ASB5: variants seen among roughly 807,000 people sequenced by gnomAD.
ASB5 encodes ankyrin repeat and SOCS box protein 5.
Under a neutral mutation model 42.1 loss-of-function variants are expected in ASB5, and 45 were observed. The observed-to-expected ratio is 1.07, with a 90% CI of 0.84 to 1.37. ASB5 has a LOEUF of 1.37. Among genes scored for constraint, ASB5 ranks in the 40% most tolerant of loss-of-function variants. The pLI is 0.00. For missense variants in ASB5, 402 were observed against 399.8 expected (o/e 1.01, Z -0.05); for synonymous variants, 147 against 150.6 (o/e 0.98, Z 0.18).
chr4:176,217,862 C>T (rs1455737890), intron 5 of ASB5, among the ~76,000 whole-genome samples: 7 of 151,922 alleles, frequency 4.6e-5, no homozygotes, highest in East Asian at 3.9e-4. Flanking sequence ...CTCTGTTTTC[C>T]GATACTATCT....
chr4:176,268,285 A>G lies in ASB5; in HGVS notation c.196+628T>C, dbSNP rs780911878. Among the ~76,000 whole-genome samples the G allele has an allele frequency of 3.3e-5, 5 of 152,320 alleles. No individual in the cohort carries two copies. The South Asian group carries it at 1.0e-3, about 32-fold the overall frequency. ...AGAACATGGATGCACTTGGCTGCAC[A>G]CATATAAAATGTATTAATTATGTTT... On this transcript the variant is annotated intron_variant, in intron 1 of 6. Coordinates refer to ENST00000296525, the MANE Select transcript of ASB5 (RefSeq NM_080874.4).
In ASB5 at chr4:176,214,329, G is replaced by A. The variant is rs146618174; in HGVS notation, c.*1271C>T. On this transcript the variant is annotated 3_prime_UTR_variant, in exon 7 of 7. Coordinates refer to ENST00000296525, the MANE Select transcript of ASB5 (RefSeq NM_080874.4). ...AATAAATCTATAAAACTCACCCAAA[G>A]TTGCTTTTGTTTTACAAAGAGTTGT... 2.6e-5 allele frequency: 4 copies of A among 152,116 alleles called. No individual in the cohort carries two copies. The highest frequency in any genetic ancestry group is 4.1e-4 in the South Asian group (2 of 4,824). 9.4% of individuals were successfully genotyped at this position (152,116 alleles called of 1,614,324 possible).
chr4:176,238,923 C>A (rs1336279907), intron 1 of ASB5, among the ~76,000 whole-genome samples: 1 of 152,130 alleles, frequency 6.6e-6, no homozygotes, highest in East Asian at 1.9e-4. Context: ...TGACCTGGAG[C>A]GAGTAGCTTA....
chr4:176,248,139 A>C (rs1332042050), intron 1 of ASB5, among the ~76,000 whole-genome samples: 1 of 152,024 alleles, frequency 6.6e-6, no homozygotes, highest in African/African-American at 2.4e-5. Flanking sequence ...TTATCTTTTC[A>C]TTTTTTTGAG....
chr4:176,221,056 T>G lies in ASB5; in HGVS notation c.670+99A>C, dbSNP rs1228014247. On this transcript the variant is annotated intron_variant, in intron 5 of 6. Transcript: ENST00000296525. Reference sequence around the variant, plus strand: ...TGAAAATGCTTAAAATAAGAACATTTTTTAGCAATGAGATCTAATTTTTAA... The same window carrying G: ...TGAAAATGCTTAAAATAAGAACATTGTTTAGCAATGAGATCTAATTTTTAA... The G allele has an allele frequency of 2.9e-6, 4 of 1,365,146 alleles. No homozygotes were observed. In the East Asian group the frequency reaches 7.5e-5, roughly 26 times the overall value. 84.6% of individuals were successfully genotyped at this position (1,365,146 alleles called of 1,614,324 possible).
At chr4:176,219,356 TATA>T (rs1753108201) in intron 5 of ASB5, among the ~76,000 whole-genome samples, 1 of 83,930 alleles carries the variant, frequency 1.2e-5, no homozygotes, top group African/African-American at 4.3e-5. Flanking sequence ...TTGTATGATA[TATA>T]AATATATATA....
intron 1 of ASB5, among the ~76,000 whole-genome samples, chr4:176,266,592 G>C (rs6841344): frequency 1.5e-3 from 222 of 152,056 alleles, no homozygotes; most frequent in Non-Finnish European, 2.6e-3. Context: ...GTTTTATAAG[G>C]TACCTGATTT....
chr4:176,234,855 A>G (rs1753646998), intron 1 of ASB5, among the ~76,000 whole-genome samples: 1 of 152,186 alleles, frequency 6.6e-6, no homozygotes, highest in Non-Finnish European at 1.5e-5. Context: ...ATACTTACAT[A>G]TTCTAGTTGT....
rs113721275 is a variant in ASB5, at chr4:176,267,730, T to C, written c.196+1183A>G. ...TTATCTTTCCCTAAAGAGATTCTTA[T>C]GAACATTTAAATTTTCCTCATTTTG... is the stretch of plus-strand genomic sequence containing the variant. On this transcript the variant is annotated intron_variant, in intron 1 of 6. Transcript: ENST00000296525. 7.5e-4 allele frequency among the ~76,000 whole-genome samples: 114 copies of C among 152,326 alleles called. 1 individual carries two copies. Among genetic ancestry groups the C allele is most frequent in the African/African-American group, 2.5e-3 (105 of 41,580 alleles).
chr4:176,235,084 C>G (rs752791560), intron 1 of ASB5, among the ~76,000 whole-genome samples: 1 of 152,108 alleles, frequency 6.6e-6, no homozygotes, highest in African/African-American at 2.4e-5. Flanking sequence ...ACTCATAGGG[C>G]ACTTGGTGGA....
chr4:176,233,086 A>G (rs1417148097), intron 1 of ASB5, among the ~76,000 whole-genome samples: 2 of 152,222 alleles, frequency 1.3e-5, no homozygotes, highest in Non-Finnish European at 2.9e-5. Context: ...ATTGTAATGA[A>G]TGTAAAGTAC....
At chr4:176,224,951 G>T (rs572691685) in intron 2 of ASB5, among the ~76,000 whole-genome samples, 4 of 152,294 alleles carry the variant, frequency 2.6e-5, no homozygotes, top group African/African-American at 9.6e-5. Context: ...TGCACATATT[G>T]TGCAGAGTTA....
At chr4:176,261,820 C>T (rs1273794993) in intron 1 of ASB5, among the ~76,000 whole-genome samples, 1 of 152,112 alleles carries the variant, frequency 6.6e-6, no homozygotes, top group Non-Finnish European at 1.5e-5. Flanking sequence ...TGGCTCCGCT[C>T]ATCCAAGCCT....
chr4:176,265,679 C>A (rs1754343037), intron 1 of ASB5, among the ~76,000 whole-genome samples: 1 of 152,124 alleles, frequency 6.6e-6, no homozygotes, highest in South Asian at 2.1e-4. Context: ...TCTTCTAGGC[C>A]TTTGGTATGA....
chr4:176,231,948 G>T (rs569330574), intron 1 of ASB5, among the ~76,000 whole-genome samples: 1 of 152,050 alleles, frequency 6.6e-6, no homozygotes, highest in Non-Finnish European at 1.5e-5. Flanking sequence ...AGCTAGCTTA[G>T]CAATGGTGCA....
At chr4:176,236,777 G>C (rs770016262) in intron 1 of ASB5, among the ~76,000 whole-genome samples, 14 of 151,976 alleles carry the variant, frequency 9.2e-5, no homozygotes, top group Non-Finnish European at 1.8e-4. Context: ...CAAATGTATG[G>C]ATATTCCTTT....
chr4:176,252,065 C>CA (rs1168453149), intron 1 of ASB5, among the ~76,000 whole-genome samples: 48 of 51,630 alleles, frequency 9.3e-4, no homozygotes, highest in Non-Finnish European at 1.3e-3. Flanking sequence ...GACCTTGTCT[C>CA]AAAAAAAAAA....
At position 176,215,628 on chromosome 4, in the gene ASB5, A is replaced by G. The variant is rs1443949933; in HGVS notation, c.962T>C (p.Leu321Ser). The G allele has an allele frequency of 6.8e-6, 11 of 1,613,046 alleles. No individual in the cohort carries two copies. The highest frequency in any genetic ancestry group is 8.5e-6 in the Non-Finnish European group (10 of 1,179,440). ...TCGATACTGTAAGAAATTCTTCAGTAACGTTGGCAGCTGGAGTTGTGGGAT... is the reference window on the plus strand; with the variant it reads ...TCGATACTGTAAGAAATTCTTCAGTGACGTTGGCAGCTGGAGTTGTGGGAT... ...HLIPQLQLPT[L>S]LKNFLQYR Residue 321 changes from leucine to serine, a missense_variant, in exon 7 of 7, where the codon TTA becomes TCA. Transcript: ENST00000296525.
At position 176,222,469 on chromosome 4, in the gene ASB5, A is replaced by G. The variant is rs193176900; in HGVS notation, c.277-49T>C. 8.2e-5 allele frequency: 118 copies of G among 1,443,996 alleles called. No individual in the cohort carries two copies. The African/African-American group carries it at 8.8e-4, about 11-fold the overall frequency. 89.4% of individuals were successfully genotyped at this position (1,443,996 alleles called of 1,614,324 possible). On this transcript the variant is annotated intron_variant, in intron 2 of 6. Coordinates refer to ENST00000296525, the MANE Select transcript of ASB5 (RefSeq NM_080874.4). ...GGTGAGCAAAGAGTTATATACTTAA[A>G]AAATCATCTATATGGATGTCACTAG... is the stretch of plus-strand genomic sequence containing the variant.
Sources: allele counts gnomAD v4.1 joint callset (sites outside exome capture counted in the v4.1 genomes callset), GRCh38; gene constraint gnomAD v4.1.1; transcripts MANE v1.5; gene names NCBI Gene and HGNC (gene_info 2026-07-23, HGNC 2026-07-21).